Variants in FBXO24 observed in about 807,000 individuals in gnomAD.
FBXO24 encodes F-box protein 24.
Under a neutral mutation model 63.5 loss-of-function variants are expected in FBXO24, and 30 were observed. That is an observed-to-expected ratio of 0.47 (90% CI 0.35 to 0.64). FBXO24 has a LOEUF of 0.64. Among genes scored for constraint, FBXO24 ranks in the 30% least tolerant of loss-of-function variants. The pLI, the probability that FBXO24 is intolerant of heterozygous loss-of-function variation, is 0.00. For synonymous variants in FBXO24, 300 were observed against 305.0 expected (o/e 0.98, Z 0.17); for missense variants, 624 against 763.4 (o/e 0.82, Z 2.15).
At position 100,586,715 on chromosome 7, in the gene FBXO24, CCGGCCGGGAACGCAGTTCGCCG is replaced by C. The variant is rs1330369422; in HGVS notation, c.39+53_39+74del. 6.8e-6 allele frequency: 11 copies of C among 1,605,974 alleles called. No homozygotes were observed. The East Asian group carries it at 2.2e-4, about 33-fold the overall frequency. ...TTAAGAATGAACGCGGAGCCCCTGG[CCGGCCGGGAACGCAGTTCGCCG>C]CTGCAGTGGCGAGTGCGAGCTGGAC... is the stretch of plus-strand genomic sequence containing the variant. On this transcript the variant is annotated intron_variant, in intron 1 of 9. Transcript: ENST00000241071.
chr7:100,592,956 G>A lies in FBXO24; in HGVS notation c.732G>A (p.Met244Ile). 6.2e-7 allele frequency: 1 copy of A among 1,614,188 alleles called. No homozygotes were observed. Residue 244 changes from methionine (M) to isoleucine (I), a missense_variant, in exon 5 of 10, where the codon ATG becomes ATA. By Grantham distance (10) the Met-to-Ile change is conservative. Transcript: ENST00000241071. ...RVFKMTFHHSMTFKQIVLVGQ... is the reference protein window; with the variant it reads ...RVFKMTFHHSITFKQIVLVGQ... ...TCAAGATGACATTCCACCACTCAAT[G>A]ACCTTCAAGCAGATCGTGCTGGTTG...
chr7:100,587,813 C>G (rs542253178), intron 1 of FBXO24, among the ~76,000 whole-genome samples: 1 of 151,706 alleles, frequency 6.6e-6, no homozygotes, highest in African/African-American at 2.4e-5. Flanking sequence ...GTTGCCCAGG[C>G]TGGTCTCAAA....
chr7:100,588,591 G>C (rs1229705752), intron 1 of FBXO24, among the ~76,000 whole-genome samples: 1 of 152,134 alleles, frequency 6.6e-6, no homozygotes, highest in African/African-American at 2.4e-5. Flanking sequence ...CCCTGCAAGA[G>C]CCAGCCACTC....
chr7:100,593,963 G>A (rs1002307073), intron 5 of FBXO24, among the ~76,000 whole-genome samples: 2 of 151,784 alleles, frequency 1.3e-5, no homozygotes, highest in Non-Finnish European at 2.9e-5. Flanking sequence ...CTTTTTTGGA[G>A]CAAGGTAGAG....
chr7:100,600,113 A>C lies in FBXO24; in HGVS notation c.1289A>C (p.Lys430Thr), dbSNP rs1802516243. ...CTGAGCCAGAGCTCAGAGTTCAGCA[A>C]GGAGCTGCTGGGCTGCGGCTGTGGG... ...LVLSQSSEFS[K>T]ELLGCGCGAG... is the part of the protein sequence containing the mutation. Residue 430 changes from lysine to threonine, a missense_variant, in exon 9 of 10, where the codon AAG (lysine) becomes ACG (threonine). By Grantham distance (78) the Lys-to-Thr change is moderately conservative (BLOSUM62 -1). Transcript: ENST00000241071. This position sits in a 1 kb window ranked among gnomAD's most constrained non-coding sequence, Gnocchi z 6.3. The C allele has an allele frequency of 6.2e-7, 1 of 1,607,966 alleles. No individual in the cohort carries two copies. Among genetic ancestry groups the C allele is most frequent in the Non-Finnish European group, 8.5e-7 (1 of 1,178,072 alleles).
In FBXO24 at chr7:100,599,941, T is replaced by G. The variant is rs1584435915; in HGVS notation, c.1207-90T>G. 2.8e-6 allele frequency: 4 copies of G among 1,435,460 alleles called. No individual in the cohort carries two copies. In the East Asian group the frequency reaches 9.8e-5, roughly 35 times the overall value. 88.9% of individuals were successfully genotyped at this position (1,435,460 alleles called of 1,614,324 possible). A position where few individuals can be genotyped will look rare whatever the true frequency, so the allele number is the denominator to read the frequency against. ...CCATTTCCTCCTCCCCAGTTCATTC[T>G]GCCCCGAGCCTTCCAGTCAACCTTT... On this transcript the variant is annotated intron_variant, in intron 8 of 9. Coordinates refer to ENST00000241071, the MANE Select transcript of FBXO24 (RefSeq NM_033506.3).
chr7:100,592,022 A>G, intron 4 of FBXO24, 120 bp downstream of exon 4: 1 of 945,628 alleles, frequency 1.1e-6, no homozygotes, highest in Non-Finnish European at 1.6e-6. Context: ...GCACTTTGGG[A>G]GGCTGAGGCA....
intron 3 of FBXO24, among the ~76,000 whole-genome samples, chr7:100,591,277 T>G (rs1214868137): frequency 6.6e-6 from 1 of 151,934 alleles, no homozygotes. Context: ...GCTCCCAAAG[T>G]GCTGGGATTA....
rs781780847 is a variant in FBXO24 at position 100,586,594 on chromosome 7, TTC to T, written c.-28_-27del. 94 of 1,613,774 alleles carry T rather than the reference TTC, an allele frequency of 5.8e-5. No homozygotes were observed. The highest frequency in any genetic ancestry group is 7.8e-5 in the Non-Finnish European group (92 of 1,179,784). ...TCCGAAGGGAATCTGGACCTGCCTC[TTC>T]TCTGAGGGACGGCTCTACCTACCAA... On this transcript the variant is annotated 5_prime_UTR_variant, in exon 1 of 10. Coordinates refer to ENST00000241071, the MANE Select transcript of FBXO24 (RefSeq NM_033506.3).
At chr7:100,588,870 G>A (rs1223158045) in intron 1 of FBXO24, among the ~76,000 whole-genome samples, 1 of 152,068 alleles carries the variant, frequency 6.6e-6, no homozygotes, top group African/African-American at 2.4e-5. Context: ...TTCTCGCCCG[G>A]GCTGGAGTGC....
At chr7:100,595,049 C>A in intron 6 of FBXO24, 53 bp from the exon 7 acceptor site, 1 of 1,608,154 alleles carries the variant, frequency 6.2e-7, no homozygotes, top group Non-Finnish European at 8.5e-7. Flanking sequence ...GGGGCCTTAT[C>A]CCTAGGAAAT....
intron 3 of FBXO24, among the ~76,000 whole-genome samples, chr7:100,591,355 C>T (rs1584422713): frequency 2.0e-5 from 3 of 152,106 alleles, no homozygotes; most frequent in South Asian, 4.2e-4. Flanking sequence ...GGGTGGATGC[C>T]GCACGCAGCC....
chr7:100,596,333 T>C (rs980540944), intron 8 of FBXO24, among the ~76,000 whole-genome samples: 5 of 151,798 alleles, frequency 3.3e-5, no homozygotes, highest in Non-Finnish European at 5.9e-5. Flanking sequence ...AAGACTTAGG[T>C]AGGGATAGAG....
intron 3 of FBXO24, 76 bp from the exon 4 acceptor site, chr7:100,591,591 A>T: frequency 7.1e-7 from 1 of 1,406,878 alleles, no homozygotes. Flanking sequence ...CGTGTCTAAG[A>T]AATCTACCCA....
At chr7:100,586,707 G>A (rs536925969) in intron 1 of FBXO24, 43 bp downstream of exon 1, 2 of 1,611,164 alleles carry the variant, frequency 1.2e-6, no homozygotes, top group East Asian at 2.2e-5. Context: ...TGAACGCGGA[G>A]CCCCTGGCCG....
intron 8 of FBXO24, among the ~76,000 whole-genome samples, chr7:100,597,570 T>G (rs1386232324): frequency 6.6e-6 from 1 of 152,060 alleles, no homozygotes. Flanking sequence ...ATTTTTGTAT[T>G]TTTAGTAGAG....
intron 1 of FBXO24, among the ~76,000 whole-genome samples, chr7:100,587,587 G>A (rs1584417098): frequency 2.8e-5 from 4 of 143,396 alleles, no homozygotes; most frequent in African/African-American, 5.2e-5. Flanking sequence ...ACAGGCGTGA[G>A]CCACCGCGCC....
At chr7:100,589,672 G>T (rs779625628) in intron 1 of FBXO24, 2 of 1,519,260 alleles carry the variant, frequency 1.3e-6, no homozygotes, top group South Asian at 2.5e-5. Flanking sequence ...GAACGGGGGG[G>T]CCAAGGGCCT....
At position 100,586,720 on chromosome 7, in the gene FBXO24, C is replaced by G. The variant is rs139726511; in HGVS notation, c.39+56C>G. ...AATGAACGCGGAGCCCCTGGCCGGCCGGGAACGCAGTTCGCCGCTGCAGTG... is the reference window on the plus strand; with the variant it reads ...AATGAACGCGGAGCCCCTGGCCGGCGGGGAACGCAGTTCGCCGCTGCAGTG... On this transcript the variant is annotated intron_variant, in intron 1 of 9. Transcript: ENST00000241071. 2.7e-3 allele frequency: 4,281 copies of G among 1,600,074 alleles called. 64 individuals are homozygous for G. The African/African-American group carries it at 0.042, about 16-fold the overall frequency.
Sources: gnomAD v4.1 joint callset for allele counts (sites outside exome capture counted in the v4.1 genomes callset) on GRCh38, gnomAD v4.1.1 for gene constraint, Gnocchi (gnomAD v3.1) non-coding constraint, MANE v1.5 for transcripts, NCBI Gene and HGNC (gene_info 2026-07-23, HGNC 2026-07-21) for gene names.